Variants in CRTAC1 observed in about 807,000 individuals in gnomAD.
CRTAC1 encodes the protein acidic secreted protein in cartilage.
A neutral mutation model predicts 67.8 loss-of-function variants in CRTAC1; 37 were observed. That is an observed-to-expected ratio of 0.55 (90% CI 0.42 to 0.72). CRTAC1 has a LOEUF of 0.72. Among genes scored for constraint, CRTAC1 ranks in the 30% least tolerant of loss-of-function variants. The pLI is 0.00. For synonymous variants in CRTAC1, 348 were observed against 371.0 expected (o/e 0.94, Z 0.71); for missense variants, 780 against 931.6 (o/e 0.84, Z 2.12).
intron 3 of CRTAC1, among the ~76,000 whole-genome samples, chr10:97,934,468 C>T (rs115202344): frequency 0.01 from 1,508 of 148,868 alleles, 23 homozygotes; most frequent in African/African-American, 0.034. Context: ...CCAGACAGCA[C>T]TGCCTGCCCC....
intron 8 of CRTAC1, among the ~76,000 whole-genome samples, chr10:97,898,446 T>C (rs80106132): frequency 0.022 from 3,352 of 152,040 alleles, 104 homozygotes; most frequent in African/African-American, 0.061. Flanking sequence ...AGAGGGATAA[T>C]TGGGGGCTAG....
chr10:97,995,208 T>C (rs1590273571), intron 2 of CRTAC1, among the ~76,000 whole-genome samples: 1 of 152,202 alleles, frequency 6.6e-6, no homozygotes, highest in East Asian at 1.9e-4. Flanking sequence ...CATGCTCTTC[T>C]AGAGAGGAAC....
At chr10:97,913,418 T>C (rs2050717430) in intron 5 of CRTAC1, among the ~76,000 whole-genome samples, 1 of 152,150 alleles carries the variant, frequency 6.6e-6, no homozygotes, top group Admixed American at 6.5e-5. Context: ...CCATCATTTG[T>C]TTCCTCTTGA....
At chr10:98,011,689 C>T (rs1042443908) in intron 1 of CRTAC1, among the ~76,000 whole-genome samples, 15 of 152,156 alleles carry the variant, frequency 9.9e-5, no homozygotes, top group African/African-American at 3.6e-4. Flanking sequence ...GGGCAAGGAT[C>T]TCTGTTTTAT....
intron 1 of CRTAC1, among the ~76,000 whole-genome samples, chr10:98,020,763 G>A (rs1302379834): frequency 6.6e-6 from 1 of 152,256 alleles, no homozygotes; most frequent in African/African-American, 2.4e-5. Context: ...TGCAGACTCG[G>A]GGCAGGGGCA....
intron 14 of CRTAC1, among the ~76,000 whole-genome samples, chr10:97,877,798 T>C (rs1206861503): frequency 1.3e-5 from 2 of 152,188 alleles, no homozygotes; most frequent in Non-Finnish European, 2.9e-5. Context: ...TATATAAAAC[T>C]CATTGTGAAG....
At chr10:97,971,810 C>A (rs2051717221) in intron 2 of CRTAC1, among the ~76,000 whole-genome samples, 1 of 152,066 alleles carries the variant, frequency 6.6e-6, no homozygotes, top group South Asian at 2.1e-4. Context: ...CTTATTACAC[C>A]ATATCAATGT....
At chr10:97,994,408 G>A (rs1488521708) in intron 2 of CRTAC1, among the ~76,000 whole-genome samples, 2 of 152,146 alleles carry the variant, frequency 1.3e-5, no homozygotes, top group Non-Finnish European at 2.9e-5. Context: ...GGCTTCTCTT[G>A]TCTGATTTAT....
At position 97,895,651 on chromosome 10, in the gene CRTAC1, C is replaced by T. The variant is rs539145779; in HGVS notation, c.1317+234G>A. Among the ~76,000 whole-genome samples, 25 of 152,294 alleles carry T rather than the reference C, an allele frequency of 1.6e-4. No individual in the cohort carries two copies. The highest frequency in any genetic ancestry group is 1.6e-3 in the Admixed American group (24 of 15,304). ...GAGACAAAAGCCGAGGGACTCAGGGCACAGTGTTTGGCAGATAAATGATAC... is the reference window on the plus strand; with the variant it reads ...GAGACAAAAGCCGAGGGACTCAGGGTACAGTGTTTGGCAGATAAATGATAC... On this transcript the variant is annotated intron_variant, in intron 10 of 14. Coordinates refer to ENST00000370597, the MANE Select transcript of CRTAC1 (RefSeq NM_018058.7). The surrounding 1 kb of genome is among the most constrained non-coding windows in gnomAD (Gnocchi z 4.2).
At chr10:97,910,896 G>T (rs1432782936) in intron 5 of CRTAC1, among the ~76,000 whole-genome samples, 1 of 152,188 alleles carries the variant, frequency 6.6e-6, no homozygotes, top group African/African-American at 2.4e-5. Flanking sequence ...GCCAAAGAGA[G>T]CCCAAGCCGC....
chr10:97,946,616 C>G (rs1218704324), intron 2 of CRTAC1, among the ~76,000 whole-genome samples: 1 of 152,156 alleles, frequency 6.6e-6, no homozygotes, highest in African/African-American at 2.4e-5. Flanking sequence ...TTGGGATCCA[C>G]CTATATGCAG....
intron 4 of CRTAC1, among the ~76,000 whole-genome samples, chr10:97,920,661 C>T (rs1280861984): frequency 6.6e-6 from 1 of 152,218 alleles, no homozygotes; most frequent in African/African-American, 2.4e-5. Flanking sequence ...GCCATTAGCC[C>T]GGGTCCTAGT....
chr10:97,919,229 T>C (rs2050802708), intron 4 of CRTAC1, among the ~76,000 whole-genome samples: 1 of 152,088 alleles, frequency 6.6e-6, no homozygotes, highest in South Asian at 2.1e-4. Flanking sequence ...GTATCAACAA[T>C]GATACAAGCA....
At chr10:97,919,202 T>G (rs1237009657) in intron 4 of CRTAC1, among the ~76,000 whole-genome samples, 1 of 152,104 alleles carries the variant, frequency 6.6e-6, no homozygotes, top group East Asian at 1.9e-4. Context: ...TGTTAGAGTC[T>G]CCTGGGTGAC....
chr10:97,884,521 A>T (rs1019816512), intron 11 of CRTAC1, 170 bp from the exon 12 acceptor site: 2 of 637,284 alleles, frequency 3.1e-6, no homozygotes, highest in Non-Finnish European at 5.4e-6. Context: ...TCTCTGGAGC[A>T]ATGCTGTCCA....
chr10:97,987,287 T>G (rs1474602690), intron 2 of CRTAC1, among the ~76,000 whole-genome samples: 1 of 152,228 alleles, frequency 6.6e-6, no homozygotes, highest in Non-Finnish European at 1.5e-5. Flanking sequence ...TCTGAGACAC[T>G]GACTTTACTC....
chr10:97,915,055 C>T (rs1296242835), intron 5 of CRTAC1, among the ~76,000 whole-genome samples: 1 of 152,188 alleles, frequency 6.6e-6, no homozygotes, highest in Non-Finnish European at 1.5e-5. Flanking sequence ...GCCTAGCCTG[C>T]CCTGGGGTGG....
chr10:98,010,338 C>A (rs1444259479), intron 2 of CRTAC1, among the ~76,000 whole-genome samples: 1 of 152,168 alleles, frequency 6.6e-6, no homozygotes, highest in Non-Finnish European at 1.5e-5. Context: ...CTGCACCCGG[C>A]CCTCAATGCA....
chr10:97,999,450 T>C (rs1029922498), intron 2 of CRTAC1, among the ~76,000 whole-genome samples: 1 of 152,342 alleles, frequency 6.6e-6, no homozygotes, highest in South Asian at 2.1e-4. Context: ...AGTGCTGACA[T>C]GCCAGCCGCC....
Sources: gnomAD v4.1 joint callset for allele counts (sites outside exome capture counted in the v4.1 genomes callset) on GRCh38, gnomAD v4.1.1 for gene constraint, Gnocchi (gnomAD v3.1) non-coding constraint, MANE v1.5 for transcripts, NCBI Gene and HGNC (gene_info 2026-07-23, HGNC 2026-07-21) for gene names.